The following CACNB2 variants were observed in gnomAD, a reference collection of about 807,000 sequenced individuals.
The protein encoded by CACNB2 is voltage-dependent L-type calcium channel subunit beta-2.
In CACNB2, 42 loss-of-function variants were observed where a neutral mutation model predicts 73.3. The ratio of observed to expected loss-of-function variants is 0.57; its 90% CI spans 0.45 to 0.74. The LOEUF (loss-of-function observed/expected upper bound fraction) is 0.74. CACNB2 is among the 30% of genes least tolerant of loss of function. CACNB2 has a pLI of 0.00. For missense variants in CACNB2, 940 were observed against 853.0 expected (o/e 1.10, Z -1.27); for synonymous variants, 348 against 310.3 (o/e 1.12, Z -1.28).
chr10:18,468,442 A>G (rs373674134), intron 3 of CACNB2, among the ~76,000 whole-genome samples: 1 of 152,100 alleles, frequency 6.6e-6, no homozygotes, highest in East Asian at 1.9e-4. Context: ...GCCTGGAGTC[A>G]GATCCTGTCT....
chr10:18,464,868 GAACCAATGCA>G (rs2047790267), intron 3 of CACNB2, among the ~76,000 whole-genome samples: 1 of 152,256 alleles, frequency 6.6e-6, no homozygotes, highest in Non-Finnish European at 1.5e-5. Context: ...AGATTCTAGT[GAACCAATGCA>G]AAGTGGGAAA....
intron 3 of CACNB2, among the ~76,000 whole-genome samples, chr10:18,410,833 A>C (rs1481411943): frequency 6.6e-6 from 1 of 152,162 alleles, no homozygotes; most frequent in Non-Finnish European, 1.5e-5. Flanking sequence ...TACAAAAATT[A>C]GCTAGGCATG....
intron 2 of CACNB2, among the ~76,000 whole-genome samples, chr10:18,399,226 T>G (rs2043866997): frequency 6.6e-6 from 1 of 152,208 alleles, no homozygotes; most frequent in Non-Finnish European, 1.5e-5. Flanking sequence ...AATTTTCTAC[T>G]GTGCTGCTAC....
chr10:18,150,936 C>A lies in CACNB2; in HGVS notation c.174C>A (p.Ser58Arg). ...RKNRFKGSDGSTSSDTTSNSF... is the reference protein window; with the variant it reads ...RKNRFKGSDGRTSSDTTSNSF... ...ACAGATTTAAAGGATCTGATGGAAG[C>A]ACGTCATCTGATACTACCTCAAATA... Residue 58 changes from serine to arginine, a missense_variant, in exon 2 of 14, where the codon AGC (serine) becomes AGA (arginine). Coordinates refer to ENST00000324631, the MANE Select transcript of CACNB2 (RefSeq NM_201596.3). The A allele has an allele frequency of 1.3e-6, 2 of 1,530,132 alleles. No homozygotes were observed. Among genetic ancestry groups the A allele is most frequent in the Non-Finnish European group, 1.8e-6 (2 of 1,135,654 alleles). The allele number at this position is 1,530,132 out of a possible 1,614,324, so 94.8% of individuals were successfully genotyped here.
intron 12 of CACNB2, among the ~76,000 whole-genome samples, chr10:18,537,068 A>T (rs1164833366): frequency 6.6e-6 from 1 of 151,888 alleles, no homozygotes. Flanking sequence ...CACTATTGCA[A>T]CCTCTGCCTC....
rs74117948 is a variant in CACNB2, at chr10:18,296,304, A to G, written c.214-105620A>G. 7.1e-3 allele frequency among the ~76,000 whole-genome samples: 1,079 copies of G among 152,196 alleles called. 11 individuals carry two copies. Among genetic ancestry groups the G allele is most frequent in the African/African-American group, 0.025 (1,022 of 41,532 alleles). On this transcript the variant is annotated intron_variant, in intron 2 of 13. Transcript: ENST00000324631. ...TCCCTTTCTGGATTACATTAGGTTT[A>G]CTGAACTTGTTCAAACATCTCTGAA...
At chr10:18,514,562 C>T (rs372578900) in intron 7 of CACNB2, 193 bp downstream of exon 7, 37 of 1,610,272 alleles carry the variant, frequency 2.3e-5, no homozygotes, top group Non-Finnish European at 3.1e-5. Context: ...CTGTGTTTAT[C>T]CTGCCACTGG....
intron 2 of CACNB2, chr10:18,400,532 T>C: frequency 2.0e-6 from 2 of 996,336 alleles, no homozygotes; most frequent in Non-Finnish European, 2.4e-6. Flanking sequence ...GCATGCCCAG[T>C]GTGGGAGTGC....
At chr10:18,519,027 G>A in intron 9 of CACNB2, 59 bp downstream of exon 9, 1 of 1,427,824 alleles carries the variant, frequency 7.0e-7, no homozygotes. Flanking sequence ...CAAAACGCTG[G>A]TGGGACATGC....
chr10:18,485,665 G>A (rs2049020637), intron 3 of CACNB2, among the ~76,000 whole-genome samples: 1 of 148,946 alleles, frequency 6.7e-6, no homozygotes, highest in Non-Finnish European at 1.5e-5. Context: ...GGGCTTAAGT[G>A]ATTCTCCCAC....
chr10:18,218,210 G>T (rs2035589534), intron 2 of CACNB2, among the ~76,000 whole-genome samples: 2 of 152,162 alleles, frequency 1.3e-5, no homozygotes. Context: ...TTGTTTGTGA[G>T]AATTGGTCTT....
chr10:18,309,038 G>C (rs1456669175), intron 2 of CACNB2, among the ~76,000 whole-genome samples: 1 of 152,074 alleles, frequency 6.6e-6, no homozygotes, highest in Non-Finnish European at 1.5e-5. Context: ...CGGAAGTGAT[G>C]CTGTCCTTCT....
Position 18,403,389 on chromosome 10 carries a change from T to C in CACNB2, c.333+1346T>C, listed in dbSNP as rs142671534. ...AGCTGAGAGTCTGAATTCTATATTC[T>C]ATATTTTGCATTGTGTGTAAAGAAG... On this transcript the variant is annotated intron_variant, in intron 3 of 13. Coordinates refer to ENST00000324631, the MANE Select transcript of CACNB2 (RefSeq NM_201596.3). Among the ~76,000 whole-genome samples the C allele has an allele frequency of 4.1e-3, 618 of 152,388 alleles. 3 individuals are homozygous for C. Among genetic ancestry groups the C allele is most frequent in the Non-Finnish European group, 6.9e-3 (468 of 68,042 alleles).
intron 2 of CACNB2, among the ~76,000 whole-genome samples, chr10:18,338,439 G>C (rs1344492216): frequency 6.6e-6 from 1 of 152,138 alleles, no homozygotes; most frequent in Non-Finnish European, 1.5e-5. Context: ...GTGGAGAAAA[G>C]GGAACCCTTG....
intron 1 of CACNB2, among the ~76,000 whole-genome samples, chr10:18,145,215 A>G (rs1408982386): frequency 1.3e-5 from 2 of 152,240 alleles, no homozygotes; most frequent in Non-Finnish European, 2.9e-5. Flanking sequence ...GGCTGTAGCA[A>G]GGAGCTTTAT....
intron 2 of CACNB2, among the ~76,000 whole-genome samples, chr10:18,220,218 TATATATATATATATAGAG>T (rs1418866192): frequency 2.2e-5 from 1 of 45,896 alleles, no homozygotes; most frequent in African/African-American, 2.0e-4. Context: ...TATATATATA[TATATATATATATATAGAG>T]AGAGAGAGAG....
At chr10:18,279,894 A>G (rs1025578790) in intron 2 of CACNB2, among the ~76,000 whole-genome samples, 1 of 152,180 alleles carries the variant, frequency 6.6e-6, no homozygotes, top group Non-Finnish European at 1.5e-5. Context: ...AGCCTGGCCA[A>G]CATGACAAAA....
chr10:18,204,611 G>GC (rs2035016165), intron 2 of CACNB2, among the ~76,000 whole-genome samples: 1 of 152,096 alleles, frequency 6.6e-6, no homozygotes, highest in Non-Finnish European at 1.5e-5. Context: ...TTTATGTGTG[G>GC]CCTTAGGCCA....
intron 2 of CACNB2, among the ~76,000 whole-genome samples, chr10:18,190,338 C>T (rs1489626794): frequency 1.3e-5 from 2 of 152,048 alleles, no homozygotes; most frequent in African/African-American, 4.8e-5. Flanking sequence ...CAGTGTATTC[C>T]CTTCAGTTAC....
Sources: gnomAD v4.1 joint callset for allele counts (sites outside exome capture counted in the v4.1 genomes callset) on GRCh38, gnomAD v4.1.1 for gene constraint, MANE v1.5 for transcripts, NCBI Gene and HGNC (gene_info 2026-07-23, HGNC 2026-07-21) for gene names.